Variants in TMEM106B observed in about 807,000 individuals in gnomAD.
TMEM106B encodes the protein transmembrane protein 106B.
In TMEM106B, 15 loss-of-function variants were observed where a neutral mutation model predicts 31.1. The observed-to-expected ratio is 0.48, with a 90% CI of 0.32 to 0.74. The LOEUF is 0.74. TMEM106B is among the 30% of genes least tolerant of loss of function. TMEM106B has a pLI of 0.03. For synonymous variants in TMEM106B, 126 were observed against 112.5 expected (o/e 1.12, Z -0.76); for missense variants, 283 against 327.3 (o/e 0.86, Z 1.04).
chr7:12,228,211 A>G (rs13229988), intron 4 of TMEM106B, among the ~76,000 whole-genome samples: 76,591 of 151,622 alleles, frequency 0.51, 20,489 homozygotes, highest in African/African-American at 0.67. Context: ...ATGTAATCAT[A>G]TAATTGCTGA....
intron 4 of TMEM106B, among the ~76,000 whole-genome samples, chr7:12,225,514 A>T (rs1049725062): frequency 8.5e-5 from 13 of 152,168 alleles, no homozygotes; most frequent in Non-Finnish European, 1.8e-4. Context: ...ATTTCTCCAC[A>T]TCCTCTCTAC....
chr7:12,215,117 T>C, intron 2 of TMEM106B, 90 bp downstream of exon 2: 2 of 1,043,476 alleles, frequency 1.9e-6, no homozygotes, highest in East Asian at 4.9e-5. Flanking sequence ...ACCACCTGTT[T>C]TAGAGGACTC....
At chr7:12,223,622 T>G (rs1466991819) in intron 3 of TMEM106B, among the ~76,000 whole-genome samples, 6 of 152,026 alleles carry the variant, frequency 3.9e-5, no homozygotes, top group Non-Finnish European at 8.8e-5. Flanking sequence ...TGTATGAAGC[T>G]CCTCAGCTTG....
intron 4 of TMEM106B, among the ~76,000 whole-genome samples, chr7:12,225,031 C>A (rs540016338): frequency 6.6e-6 from 1 of 152,068 alleles, no homozygotes; most frequent in African/African-American, 2.4e-5. Context: ...CTCCACCTCA[C>A]GACAGGCCTC....
At chr7:12,218,592 A>G (rs1781731853) in intron 3 of TMEM106B, 71 bp downstream of exon 3, 2 of 1,273,878 alleles carry the variant, frequency 1.6e-6, no homozygotes, top group Non-Finnish European at 2.2e-6. Flanking sequence ...CAAATTATGT[A>G]TAATAACTAG....
At chr7:12,212,970 T>G (rs1781610232) in intron 1 of TMEM106B, among the ~76,000 whole-genome samples, 1 of 152,128 alleles carries the variant, frequency 6.6e-6, no homozygotes, top group African/African-American at 2.4e-5. Flanking sequence ...CAGTTTTACT[T>G]TTTCACTTTA....
At position 12,230,408 on chromosome 7, in the gene TMEM106B, C is replaced by G; in HGVS notation, c.602C>G (p.Thr201Ser). The change falls in exon 6 of 8, where the codon ACC (threonine) becomes AGC (serine). Residue 201 changes from threonine to serine, a missense_variant. Thr to Ser is a moderately conservative substitution (Grantham distance 58, BLOSUM62 1). Coordinates refer to ENST00000396668, the MANE Select transcript of TMEM106B (RefSeq NM_001134232.2). ...DMKQIDYTVP[T>S]VIAEEMSYMY... Reference sequence around the variant, plus strand: ...TTTCAGATTGATTACACAGTACCTACCGTTATAGCAGAGGAAATGAGTTAT... The same window carrying G: ...TTTCAGATTGATTACACAGTACCTAGCGTTATAGCAGAGGAAATGAGTTAT... 5 of 1,602,984 alleles carry G rather than the reference C, an allele frequency of 3.1e-6. No homozygotes were observed. Among genetic ancestry groups the G allele is most frequent in the Non-Finnish European group, 4.3e-6 (5 of 1,172,786 alleles).
At chr7:12,218,600 T>A in intron 3 of TMEM106B, 79 bp downstream of exon 3, 1 of 1,149,212 alleles carries the variant, frequency 8.7e-7, no homozygotes, top group Non-Finnish European at 1.2e-6. Flanking sequence ...GTATAATAAC[T>A]AGTTAAAACT....
intron 3 of TMEM106B, among the ~76,000 whole-genome samples, chr7:12,221,100 G>GTGTGTGTGTT (rs1204075451): frequency 6.6e-6 from 1 of 151,942 alleles, no homozygotes; most frequent in Non-Finnish European, 1.5e-5. Flanking sequence ...GTGTGTGTGT[G>GTGTGTGTGTT]TGTGTGTGTG....
intron 2 of TMEM106B, among the ~76,000 whole-genome samples, chr7:12,217,924 TG>T (rs1781718761): frequency 1.3e-5 from 2 of 152,092 alleles, no homozygotes; most frequent in African/African-American, 2.4e-5. Context: ...GACTTTAACA[TG>T]GATTGGGGTG....
rs928057720 is a variant in TMEM106B, at chr7:12,239,691, GGA to G, written c.*7722_*7723del. 2 of 152,096 alleles carry G rather than the reference GGA, an allele frequency of 1.3e-5. No individual in the cohort carries two copies. The highest frequency in any genetic ancestry group is 2.9e-5 in the Non-Finnish European group (2 of 68,016). The allele number at this position is 152,096 out of a possible 1,614,324, so 9.4% of individuals were successfully genotyped here. On this transcript the variant is annotated 3_prime_UTR_variant, in exon 8 of 8. Transcript: ENST00000396668. The stretch of plus-strand genomic sequence containing the variant: ...TAATTTCAATGTTATTTTGTCTCAA[GGA>G]GAGAGGGATGTGGGAACAGCTGGTT...
chr7:12,230,695 T>TA, intron 6 of TMEM106B: 1 of 337,544 alleles, frequency 3.0e-6, no homozygotes, highest in Non-Finnish European at 5.3e-6. Context: ...ATTACTATGT[T>TA]ACTGTGTTAA....
chr7:12,238,049 G>A lies in TMEM106B; in HGVS notation c.*6074G>A, dbSNP rs1246111623. On this transcript the variant is annotated 3_prime_UTR_variant, in exon 8 of 8. Transcript: ENST00000396668. ...ATTGCCTTGTCCTTTCATGAAAGAT[G>A]TCTCTAGCATGTGATGCTGTTTTGA... 6.6e-6 allele frequency: 1 copy of A among 152,186 alleles called. No individual in the cohort carries two copies. The highest frequency in any genetic ancestry group is 1.5e-5 in the Non-Finnish European group (1 of 68,094). The allele number at this position is 152,186 out of a possible 1,614,324, so 9.4% of individuals were successfully genotyped here. A position where few individuals can be genotyped will look rare whatever the true frequency, so the allele number is the denominator to read the frequency against.
At chr7:12,218,976 G>T (rs958160079) in intron 3 of TMEM106B, among the ~76,000 whole-genome samples, 3 of 152,194 alleles carry the variant, frequency 2.0e-5, no homozygotes, top group Non-Finnish European at 4.4e-5. Flanking sequence ...TGTCCCAAAA[G>T]AAGAGGACAC....
At chr7:12,226,401 A>G (rs1781902311) in intron 4 of TMEM106B, among the ~76,000 whole-genome samples, 1 of 152,178 alleles carries the variant, frequency 6.6e-6, no homozygotes, top group Non-Finnish European at 1.5e-5. Context: ...ACAAACAAAA[A>G]CCTTAGAGAG....
Position 12,218,510 on chromosome 7 carries a change from G to A in TMEM106B, c.270G>A (p.Arg90=), listed in dbSNP as rs1380618250. 4 of 1,610,978 alleles carry A rather than the reference G, an allele frequency of 2.5e-6. No homozygotes were observed. Among genetic ancestry groups the A allele is most frequent in the Non-Finnish European group, 3.4e-6 (4 of 1,178,430 alleles). The stretch of plus-strand genomic sequence containing the variant: ...TTCCATATAGTGATCAGAGATTAAG[G>A]CCAAGAAGAACGTAAGTGATTCTAA... ...ALIPYSDQRL[R]PRRTKLYVMA... is the part of the protein sequence containing the mutation. The change falls in exon 3 of 8, where the codon AGG becomes AGA. Residue 90 remains arginine (R), a synonymous_variant. Transcript: ENST00000396668.
At chr7:12,228,856 A>C (rs1346900703) in intron 4 of TMEM106B, among the ~76,000 whole-genome samples, 1 of 152,074 alleles carries the variant, frequency 6.6e-6, no homozygotes, top group Non-Finnish European at 1.5e-5. Context: ...TCCTAACTAT[A>C]AATGAATTTG....
In TMEM106B at chr7:12,229,666, C is replaced by A; in HGVS notation, c.442-13C>A. The A allele has an allele frequency of 6.6e-7, 1 of 1,521,962 alleles. No homozygotes were observed. Among genetic ancestry groups the A allele is most frequent in the Non-Finnish European group, 8.8e-7 (1 of 1,135,476 alleles). 94.3% of individuals were successfully genotyped at this position (1,521,962 alleles called of 1,614,324 possible). On this transcript the variant is annotated splice_polypyrimidine_tract_variant and intron_variant, in intron 4 of 7. Coordinates refer to ENST00000396668, the MANE Select transcript of TMEM106B (RefSeq NM_001134232.2). ...TAGCTAACTTGTAAATTTTCTGTGTCCTTTTTTTGTAGAACACACTAAATA... is the reference window on the plus strand; with the variant it reads ...TAGCTAACTTGTAAATTTTCTGTGTACTTTTTTTGTAGAACACACTAAATA...
intron 4 of TMEM106B, among the ~76,000 whole-genome samples, chr7:12,229,357 AG>A (rs1781966052): frequency 6.6e-6 from 1 of 152,178 alleles, no homozygotes; most frequent in Admixed American, 6.5e-5. Context: ...TAAACAAAAA[AG>A]ATTATTTTAG....
Sources: allele counts gnomAD v4.1 joint callset (sites outside exome capture counted in the v4.1 genomes callset), GRCh38; gene constraint gnomAD v4.1.1; transcripts MANE v1.5; gene names NCBI Gene and HGNC (gene_info 2026-07-23, HGNC 2026-07-21).